Variants in PRMT9 observed in about 807,000 individuals in gnomAD.
PRMT9 encodes protein arginine N-methyltransferase 9.
PRMT9 carries 59 observed loss-of-function variants against 83.2 expected under a neutral mutation model. That is an observed-to-expected ratio of 0.71 (90% CI 0.57 to 0.88). The LOEUF is 0.88. Ranked by LOEUF, PRMT9 falls within the 40% of genes least tolerant of loss-of-function variation. The pLI, the probability that PRMT9 is intolerant of heterozygous loss-of-function variation, is 0.00. For synonymous variants in PRMT9, 333 were observed against 353.2 expected, an observed-to-expected ratio of 0.94 and a Z score of 0.64; for missense variants, 947 against 1,021.9, an observed-to-expected ratio of 0.93 and a Z score of 1.00.
At chr4:147,659,624 G>A (rs1470040216) in intron 7 of PRMT9, among the ~76,000 whole-genome samples, 1 of 128,416 alleles carries the variant, frequency 7.8e-6, no homozygotes, top group Non-Finnish European at 1.6e-5. Flanking sequence ...TGTTGCTCAG[G>A]CTGGGGTGCA....
rs1287809549 is a variant in PRMT9 at position 147,654,077 on chromosome 4, T to C, written c.1820A>G (p.Tyr607Cys). The C allele has an allele frequency of 6.2e-6, 10 of 1,614,102 alleles. No homozygotes were observed. The highest frequency in any genetic ancestry group is 7.6e-6 in the Non-Finnish European group (9 of 1,180,040). The change falls in exon 9 of 12, where the codon TAC becomes TGC. Residue 607 changes from tyrosine to cysteine, a missense_variant. Transcript: ENST00000322396. ...IAGTLGQVKP[Y>C]SSVEKDQHRI... ...ATGCTGGTCTTTCTCCACAGAACTG[T>C]ATGGTTTAACCTGCCCAAGTGTGCC...
rs1392008667 is a variant in PRMT9, at chr4:147,667,005, C to T, written c.953+1534G>A. 4.0e-5 allele frequency among the ~76,000 whole-genome samples: 6 copies of T among 151,894 alleles called. No individual in the cohort carries two copies. The East Asian group carries it at 9.6e-4, about 24-fold the overall frequency. ...TTATTCTTTTTCAAAATGTAGATACCAGCCATTTAATTTCTCCTTTGCTTA... is the reference window on the plus strand; with the variant it reads ...TTATTCTTTTTCAAAATGTAGATACTAGCCATTTAATTTCTCCTTTGCTTA... On this transcript the variant is annotated intron_variant, in intron 6 of 11. Transcript: ENST00000322396.
intron 4 of PRMT9, among the ~76,000 whole-genome samples, chr4:147,671,407 A>C (rs974861187): frequency 2.6e-5 from 4 of 152,208 alleles, no homozygotes; most frequent in Non-Finnish European, 5.9e-5. Flanking sequence ...TTCTTTCTAG[A>C]AAACTTTACT....
At chr4:147,656,476 G>T (rs1734494900) in intron 8 of PRMT9, among the ~76,000 whole-genome samples, 1 of 151,918 alleles carries the variant, frequency 6.6e-6, no homozygotes, top group African/African-American at 2.4e-5. Context: ...TCATTTTGTA[G>T]AAATGAGGTC....
At chr4:147,667,146 A>G (rs147157300) in intron 6 of PRMT9, among the ~76,000 whole-genome samples, 135 of 152,352 alleles carry the variant, frequency 8.9e-4, no homozygotes, top group Admixed American at 3.4e-3. Context: ...GCAATGCAGT[A>G]AGGCATCCCT....
At chr4:147,665,847 C>T (rs6841745) in intron 6 of PRMT9, among the ~76,000 whole-genome samples, 140,409 of 152,294 alleles carry the variant, frequency 0.92, 65,340 homozygotes, top group Non-Finnish European at 0.98. Context: ...TACTTTCTTA[C>T]TAATATAAAC....
chr4:147,644,375 A>G (rs946226864), intron 9 of PRMT9, among the ~76,000 whole-genome samples: 1 of 7,254 alleles, frequency 1.4e-4, no homozygotes, highest in African/African-American at 1.5e-4. Context: ...GCAAAATTTA[A>G]AAAAAAAAAA....
At chr4:147,663,615 C>G (rs1578913812) in intron 6 of PRMT9, among the ~76,000 whole-genome samples, 1 of 152,194 alleles carries the variant, frequency 6.6e-6, no homozygotes, top group East Asian at 1.9e-4. Flanking sequence ...ATCTGCCCAC[C>G]TTTGCCTCCC....
intron 6 of PRMT9, among the ~76,000 whole-genome samples, chr4:147,663,393 C>G (rs1735108595): frequency 6.8e-6 from 1 of 146,346 alleles, no homozygotes; most frequent in South Asian, 2.2e-4. Flanking sequence ...GACAAGGTCT[C>G]ATGCTGTCGC....
intron 9 of PRMT9, 80 bp downstream of exon 9, chr4:147,653,772 G>T: frequency 3.1e-6 from 3 of 959,494 alleles, no homozygotes; most frequent in Non-Finnish European, 3.2e-6. Flanking sequence ...ACAGTTAAGC[G>T]ATTAAAGAAC....
In PRMT9 at chr4:147,673,135, G is replaced by GA; in HGVS notation, c.576-10dup. On this transcript the variant is annotated splice_polypyrimidine_tract_variant and intron_variant, in intron 3 of 11. Coordinates refer to ENST00000322396, the MANE Select transcript of PRMT9 (RefSeq NM_138364.4). Reference sequence around the variant, plus strand: ...CTTTTTTAGCAAACATGCTACAAGGGAAAAAAGTTCTCCATCAAGAAAAAA... The same window carrying GA: ...CTTTTTTAGCAAACATGCTACAAGGGAAAAAAAGTTCTCCATCAAGAAAAAA... The GA allele has an allele frequency of 1.9e-6, 3 of 1,613,048 alleles. No homozygotes were observed. The highest frequency in any genetic ancestry group is 2.2e-5 in the East Asian group (1 of 44,832).
chr4:147,653,455 T>A lies in PRMT9; in HGVS notation c.2045+397A>T, dbSNP rs74842356. 4.6e-3 allele frequency among the ~76,000 whole-genome samples: 618 copies of A among 133,260 alleles called. 4 individuals carry two copies. The highest frequency in any genetic ancestry group is 0.021 in the East Asian group (96 of 4,516). The allele number at this position is 133,260 out of a possible 152,430, so 87.4% of individuals were successfully genotyped here. ...GAAACTCCGTCTTAAAAAAAAAAAA[T>A]ATATATATATATATCTTGGTTTCAA... On this transcript the variant is annotated intron_variant, in intron 9 of 11. Coordinates refer to ENST00000322396, the MANE Select transcript of PRMT9 (RefSeq NM_138364.4).
chr4:147,652,650 C>A (rs28557451), intron 9 of PRMT9, among the ~76,000 whole-genome samples: 8,168 of 150,052 alleles, frequency 0.054, 791 homozygotes, highest in African/African-American at 0.19. Context: ...GTGAGAACCA[C>A]CACAACCCCA....
chr4:147,664,961 T>A, intron 6 of PRMT9, among the ~76,000 whole-genome samples: 1 of 150,782 alleles, frequency 6.6e-6, no homozygotes, highest in African/African-American at 2.4e-5. Flanking sequence ...TAAAAAAAAA[T>A]ACAAAAAATC....
At chr4:147,642,119 C>G (rs1308631623) in intron 10 of PRMT9, among the ~76,000 whole-genome samples, 1 of 152,198 alleles carries the variant, frequency 6.6e-6, no homozygotes, top group Non-Finnish European at 1.5e-5. Flanking sequence ...AGCCTGAGGT[C>G]TCAATGTAAG....
At chr4:147,670,787 G>T in intron 4 of PRMT9, 44 bp from the exon 5 acceptor site, 3 of 1,241,378 alleles carry the variant, frequency 2.4e-6, no homozygotes, top group Non-Finnish European at 3.5e-6. Flanking sequence ...AAAATATCAT[G>T]CTATTATATA....
intron 6 of PRMT9, among the ~76,000 whole-genome samples, chr4:147,661,837 G>A (rs918608189): frequency 6.8e-6 from 1 of 146,032 alleles, no homozygotes; most frequent in Admixed American, 6.9e-5. Context: ...CTACGCATCT[G>A]ACAGAATGGA....
chr4:147,641,003 A>C (rs1263481048), intron 10 of PRMT9, among the ~76,000 whole-genome samples: 3 of 152,096 alleles, frequency 2.0e-5, no homozygotes, highest in African/African-American at 7.2e-5. Context: ...ATGAGCCACC[A>C]CACCAGCCCT....
chr4:147,663,813 T>A (rs751483152), intron 6 of PRMT9, among the ~76,000 whole-genome samples: 4 of 152,238 alleles, frequency 2.6e-5, no homozygotes, highest in African/African-American at 7.2e-5. Context: ...ATACCTTTTT[T>A]TAATATTTGT....
Sources: gnomAD v4.1 joint callset for allele counts (sites outside exome capture counted in the v4.1 genomes callset) on GRCh38, gnomAD v4.1.1 for gene constraint, MANE v1.5 for transcripts, NCBI Gene and HGNC (gene_info 2026-07-23, HGNC 2026-07-21) for gene names.